WIPF3: variants seen among roughly 807,000 people sequenced by gnomAD.
WIPF3 encodes the protein WAS/WASL-interacting protein family member 3.
WIPF3 carries 33 observed loss-of-function variants against 38.9 expected under a neutral mutation model. The observed-to-expected ratio is 0.85, with a 90% CI of 0.64 to 1.14. WIPF3 has a LOEUF of 1.14. Ranked by LOEUF, WIPF3 falls within the 50% of genes most tolerant of loss-of-function variation. The pLI is 0.00. For synonymous variants in WIPF3, 324 were observed against 269.3 expected (o/e 1.20, Z -1.99); for missense variants, 711 against 652.5 (o/e 1.09, Z -0.98).
intron 7 of WIPF3, among the ~76,000 whole-genome samples, chr7:29,903,375 C>T (rs1344418578): frequency 2.0e-5 from 3 of 152,056 alleles, no homozygotes; most frequent in Non-Finnish European, 2.9e-5. Flanking sequence ...CCCTACGTTA[C>T]CTAAAAACCT....
intron 2 of WIPF3, among the ~76,000 whole-genome samples, chr7:29,851,352 C>T (rs1443017933): frequency 2.0e-5 from 3 of 152,146 alleles, no homozygotes; most frequent in Non-Finnish European, 4.4e-5. Flanking sequence ...TCCTCTTTAC[C>T]TTATTGGGGT....
rs903162594 is a variant in WIPF3, at chr7:29,823,206, G to C, written c.-57-11462G>C. On this transcript the variant is annotated intron_variant, in intron 1 of 8. Coordinates refer to ENST00000242140, the MANE Select transcript of WIPF3 (RefSeq NM_001080529.3). This position sits in a 1 kb window ranked among gnomAD's most constrained non-coding sequence, Gnocchi z 4.0. ...TAAATGATTTCTCTTTGATTGCCTTGCTTTTTGTCATGCCAGAGAAGCCTT... is the reference window on the plus strand; with the variant it reads ...TAAATGATTTCTCTTTGATTGCCTTCCTTTTTGTCATGCCAGAGAAGCCTT... Among the ~76,000 whole-genome samples, 1 of 152,138 alleles carries C rather than the reference G, an allele frequency of 6.6e-6. No homozygotes were observed. Among genetic ancestry groups the C allele is most frequent in the African/African-American group, 2.4e-5 (1 of 41,430 alleles).
At chr7:29,896,097 G>A (rs1786137890) in intron 7 of WIPF3, among the ~76,000 whole-genome samples, 1 of 152,138 alleles carries the variant, frequency 6.6e-6, no homozygotes, top group Non-Finnish European at 1.5e-5. Flanking sequence ...ATGGATGCAA[G>A]GCTTTCTTTT....
intron 2 of WIPF3, among the ~76,000 whole-genome samples, chr7:29,871,449 C>T (rs566775067): frequency 2.0e-5 from 3 of 152,216 alleles, no homozygotes; most frequent in South Asian, 2.1e-4. Context: ...TTTAGGAGAC[C>T]GCAAGGCTGA....
intron 1 of WIPF3, among the ~76,000 whole-genome samples, chr7:29,817,604 T>A (rs920110380): frequency 2.0e-5 from 3 of 152,150 alleles, no homozygotes; most frequent in Non-Finnish European, 4.4e-5. Flanking sequence ...GAATAACTTA[T>A]CTTTTCCCCA....
chr7:29,809,896 T>G (rs1412599961), intron 1 of WIPF3, among the ~76,000 whole-genome samples: 1 of 152,124 alleles, frequency 6.6e-6, no homozygotes, highest in Non-Finnish European at 1.5e-5. Flanking sequence ...GTGGGTGGTG[T>G]TTTCCAGCTA....
chr7:29,883,920 C>G lies in WIPF3; in HGVS notation c.426C>G (p.Gly142=), dbSNP rs746431784. Residue 142 remains glycine, a synonymous_variant, in exon 5 of 9, where the codon GGC becomes GGG. Transcript: ENST00000242140. ...GGCTTCCCAACAAAACCATCAGCGG[C>G]CCGCTTATCCCGCCTGCCTCTCCCA... is the stretch of plus-strand genomic sequence containing the variant. ...SPRLPNKTIS[G]PLIPPASPRL... is the part of the protein sequence containing the mutation. 1 of 1,568,250 alleles carries G rather than the reference C, an allele frequency of 6.4e-7. No homozygotes were observed. Among genetic ancestry groups the G allele is most frequent in the South Asian group, 1.2e-5 (1 of 85,620 alleles).
rs764356568 is a variant in WIPF3, at chr7:29,883,859, C to T, written c.365C>T (p.Thr122Ile). The T allele has an allele frequency of 1.3e-6, 2 of 1,533,872 alleles. 1 individual carries two copies. Among genetic ancestry groups the T allele is most frequent in the South Asian group, 2.5e-5 (2 of 79,034 alleles). ...AGQRDVAGGKTGQGPGSRAPS... is the reference protein window; with the variant it reads ...AGQRDVAGGKIGQGPGSRAPS... ...TCTCTTTCACTTCCAGGTGGCAAGA[C>T]AGGGCAGGGCCCTGGCTCCCGCGCG... The change falls in exon 5 of 9, where the codon ACA becomes ATA. Residue 122 changes from threonine to isoleucine, a missense_variant. Coordinates refer to ENST00000242140, the MANE Select transcript of WIPF3 (RefSeq NM_001080529.3).
chr7:29,900,964 T>C (rs1786263555), intron 7 of WIPF3, among the ~76,000 whole-genome samples: 1 of 151,972 alleles, frequency 6.6e-6, no homozygotes, highest in African/African-American at 2.4e-5. Flanking sequence ...TCACAGGAAT[T>C]GCAGCCCAGG....
At chr7:29,903,481 G>C (rs1317914556) in intron 7 of WIPF3, among the ~76,000 whole-genome samples, 1 of 152,042 alleles carries the variant, frequency 6.6e-6, no homozygotes, top group East Asian at 1.9e-4. Context: ...CAGCAATCTG[G>C]ATTGTTCTGG....
intron 2 of WIPF3, among the ~76,000 whole-genome samples, chr7:29,850,578 A>G (rs1314484337): frequency 1.3e-5 from 2 of 152,244 alleles, no homozygotes; most frequent in Non-Finnish European, 2.9e-5. Flanking sequence ...TCAAGACGTC[A>G]CAACATGGGT....
chr7:29,875,861 C>G lies in WIPF3; in HGVS notation c.122C>G (p.Ala41Gly), dbSNP rs560846458. The G allele has an allele frequency of 1.9e-5, 30 of 1,614,072 alleles. No individual in the cohort carries two copies. The highest frequency in any genetic ancestry group is 2.5e-5 in the Non-Finnish European group (30 of 1,179,900). ...VSTDTSSLRRADPKGRSALLA... is the reference protein window; with the variant it reads ...VSTDTSSLRRGDPKGRSALLA... ...ACAGACACCTCCAGCTTGCGAAGGGCAGATCCGAAAGGCCGGAGTGCGCTG... is the reference window on the plus strand; with the variant it reads ...ACAGACACCTCCAGCTTGCGAAGGGGAGATCCGAAAGGCCGGAGTGCGCTG... The change falls in exon 3 of 9, where the codon GCA becomes GGA. Residue 41 changes from alanine to glycine, a missense_variant. Physicochemically the swap from Ala to Gly is moderately conservative, Grantham distance 60 (BLOSUM62 0). Coordinates refer to ENST00000242140, the MANE Select transcript of WIPF3 (RefSeq NM_001080529.3).
chr7:29,823,655 G>C lies in WIPF3; in HGVS notation c.-57-11013G>C, dbSNP rs184528894. ...TGTATCCCTGCCCAAATCTCATGTC[G>C]AACTGTAATCCCCAATGTTGGAGGT... On this transcript the variant is annotated intron_variant, in intron 1 of 8. Transcript: ENST00000242140. This position sits in a 1 kb window ranked among gnomAD's most constrained non-coding sequence, Gnocchi z 4.0. 6.6e-6 allele frequency among the ~76,000 whole-genome samples: 1 copy of C among 152,090 alleles called. No homozygotes were observed. Among genetic ancestry groups the C allele is most frequent in the Admixed American group, 6.6e-5 (1 of 15,260 alleles).
intron 2 of WIPF3, among the ~76,000 whole-genome samples, chr7:29,843,557 C>T (rs369194385): frequency 3.9e-5 from 6 of 152,294 alleles, no homozygotes; most frequent in African/African-American, 1.2e-4. Flanking sequence ...TGATTCCTAA[C>T]TGGAGCTTTC....
chr7:29,860,000 CT>C (rs1368708705), intron 2 of WIPF3, among the ~76,000 whole-genome samples: 1 of 152,036 alleles, frequency 6.6e-6, no homozygotes, highest in African/African-American at 2.4e-5. Flanking sequence ...GAATGGAGAA[CT>C]AGGCATGTGT....
chr7:29,845,598 G>A (rs1434320688), intron 2 of WIPF3, among the ~76,000 whole-genome samples: 1 of 152,210 alleles, frequency 6.6e-6, no homozygotes, highest in East Asian at 1.9e-4. Context: ...TCTTTAAAGA[G>A]CCCTCTTGCC....
At chr7:29,899,772 CA>C (rs1029980325) in intron 7 of WIPF3, among the ~76,000 whole-genome samples, 4 of 146,190 alleles carry the variant, frequency 2.7e-5, no homozygotes, top group African/African-American at 7.6e-5. Context: ...TATGTAAAAA[CA>C]ATACCAAAAA....
chr7:29,816,396 T>TTATG (rs561635173), intron 1 of WIPF3, among the ~76,000 whole-genome samples: 208 of 152,288 alleles, frequency 1.4e-3, no homozygotes, highest in African/African-American at 4.7e-3. Context: ...GCCTGCCTGA[T>TTATG]TATGGCTCAC....
intron 4 of WIPF3, among the ~76,000 whole-genome samples, chr7:29,881,084 GTC>G (rs1785706441): frequency 6.6e-6 from 1 of 152,166 alleles, no homozygotes; most frequent in African/African-American, 2.4e-5. Flanking sequence ...ACGTGGCTCA[GTC>G]TCTCCCTTCC....
Sources: gnomAD v4.1 joint callset for allele counts (sites outside exome capture counted in the v4.1 genomes callset) on GRCh38, gnomAD v4.1.1 for gene constraint, Gnocchi (gnomAD v3.1) non-coding constraint, MANE v1.5 for transcripts, NCBI Gene and HGNC (gene_info 2026-07-23, HGNC 2026-07-21) for gene names.